The following PDE4B variants were observed in gnomAD, a reference collection of about 807,000 sequenced individuals.
PDE4B encodes phosphodiesterase 4B.
In PDE4B, 20 loss-of-function variants were observed where a neutral mutation model predicts 82.2. The observed-to-expected ratio is 0.24, with a 90% CI of 0.17 to 0.35. PDE4B has a LOEUF of 0.35. PDE4B is among the 10% of genes least tolerant of loss of function. The probability of loss-of-function intolerance (pLI) is 1.00; values close to 1 mark genes in which losing one functional copy is unlikely to be tolerated. For missense variants in PDE4B, 655 were observed against 907.2 expected, an observed-to-expected ratio of 0.72 and a Z score of 3.57; for synonymous variants, 320 against 318.9, an observed-to-expected ratio of 1.00 and a Z score of -0.04.
At chr1:65,878,212 A>AT (rs1171729881) in intron 1 of PDE4B, among the ~76,000 whole-genome samples, 2 of 152,236 alleles carry the variant, frequency 1.3e-5, no homozygotes, top group Non-Finnish European at 2.9e-5. Context: ...AATGGTGACC[A>AT]TTAAAAAGTC....
At chr1:65,987,312 A>G (rs755311192) in intron 3 of PDE4B, among the ~76,000 whole-genome samples, 5 of 152,212 alleles carry the variant, frequency 3.3e-5, no homozygotes, top group Non-Finnish European at 7.3e-5. Context: ...CCTAAAGATG[A>G]GTAATTAAAT....
intron 3 of PDE4B, among the ~76,000 whole-genome samples, chr1:66,181,441 C>A (rs768518767): frequency 7.2e-5 from 11 of 152,112 alleles, no homozygotes; most frequent in Admixed American, 2.6e-4. Context: ...ATTTCTGGAA[C>A]CTTTTTATTA....
At chr1:66,324,777 A>G (rs911665450) in intron 7 of PDE4B, among the ~76,000 whole-genome samples, 12 of 152,318 alleles carry the variant, frequency 7.9e-5, no homozygotes, top group Admixed American at 6.5e-4. Flanking sequence ...TAGGGCTTGC[A>G]AACTTTGGTC....
chr1:65,833,752 T>C (rs1424568030), intron 1 of PDE4B, among the ~76,000 whole-genome samples: 1 of 152,234 alleles, frequency 6.6e-6, no homozygotes, highest in Non-Finnish European at 1.5e-5. Context: ...TCTATCTGTC[T>C]AGCTAGCAGT....
chr1:66,360,360 C>G (rs963591897), intron 9 of PDE4B: 5 of 152,218 alleles, frequency 3.3e-5, no homozygotes, highest in African/African-American at 7.2e-5. Context: ...TTGCTTTGCT[C>G]TGATGAAGTG....
intron 3 of PDE4B, among the ~76,000 whole-genome samples, chr1:66,159,674 CCTCAAATCCTCGCA>C (rs1314669039): frequency 6.6e-6 from 1 of 152,120 alleles, no homozygotes; most frequent in Non-Finnish European, 1.5e-5. Context: ...TTGCCTGGTG[CCTCAAATCCTCGCA>C]TACTGGGGTA....
intron 3 of PDE4B, among the ~76,000 whole-genome samples, chr1:66,099,121 C>T (rs1213176309): frequency 2.6e-5 from 4 of 152,118 alleles, no homozygotes; most frequent in Non-Finnish European, 5.9e-5. Flanking sequence ...CCTATCAACT[C>T]ATCACCTAGG....
chr1:66,326,560 G>A (rs1246486073), intron 7 of PDE4B, among the ~76,000 whole-genome samples: 1 of 152,072 alleles, frequency 6.6e-6, no homozygotes, highest in African/African-American at 2.4e-5. Flanking sequence ...TGTGGCAATT[G>A]GTCCAATTGT....
chr1:66,082,560 A>G (rs1656795334), intron 3 of PDE4B, among the ~76,000 whole-genome samples: 2 of 151,796 alleles, frequency 1.3e-5, no homozygotes, highest in East Asian at 1.9e-4. Flanking sequence ...AATTGGCTCA[A>G]TGTGTTGTGC....
chr1:66,105,501 A>C (rs1395315086), intron 3 of PDE4B, among the ~76,000 whole-genome samples: 4 of 152,084 alleles, frequency 2.6e-5, no homozygotes, highest in African/African-American at 9.7e-5. Context: ...CTTGATGGGG[A>C]TGGCATTGAA....
chr1:66,067,330 C>G (rs1201897405), intron 3 of PDE4B, among the ~76,000 whole-genome samples: 2 of 152,104 alleles, frequency 1.3e-5, no homozygotes, highest in Non-Finnish European at 2.9e-5. Flanking sequence ...TCCTATTTCT[C>G]CACATCCTCT....
intron 7 of PDE4B, among the ~76,000 whole-genome samples, chr1:66,331,273 T>C (rs773326710): frequency 1.1e-4 from 17 of 152,376 alleles, no homozygotes; most frequent in Admixed American, 2.6e-4. Flanking sequence ...TACATTTTAT[T>C]AGTGCCTATT....
chr1:65,927,976 C>G (rs1453401963), intron 3 of PDE4B, among the ~76,000 whole-genome samples: 1 of 152,128 alleles, frequency 6.6e-6, no homozygotes, highest in Non-Finnish European at 1.5e-5. Context: ...TCCATAAGCC[C>G]CTGCTTTAAC....
chr1:65,856,517 A>G (rs1646394705), intron 1 of PDE4B, among the ~76,000 whole-genome samples: 1 of 152,126 alleles, frequency 6.6e-6, no homozygotes, highest in East Asian at 1.9e-4. Context: ...GAACTCATTC[A>G]TTGTATGACT....
At chr1:66,115,805 G>C (rs772316764) in intron 3 of PDE4B, among the ~76,000 whole-genome samples, 1 of 152,170 alleles carries the variant, frequency 6.6e-6, no homozygotes, top group Non-Finnish European at 1.5e-5. Context: ...TGATGATAAT[G>C]CTCTTTTGTT....
At chr1:66,242,817 T>G (rs1001468616) in intron 3 of PDE4B, among the ~76,000 whole-genome samples, 1 of 152,246 alleles carries the variant, frequency 6.6e-6, no homozygotes, top group African/African-American at 2.4e-5. Context: ...CCCCACCTGC[T>G]GGGCTTGGAG....
intron 3 of PDE4B, among the ~76,000 whole-genome samples, chr1:66,093,590 G>C (rs1645064083): frequency 6.6e-6 from 1 of 152,004 alleles, no homozygotes; most frequent in Non-Finnish European, 1.5e-5. Flanking sequence ...GAGAGAGGAA[G>C]ATATTTATCC....
chr1:66,010,199 G>A lies in PDE4B; in HGVS notation c.281+91364G>A, dbSNP rs142847010. On this transcript the variant is annotated intron_variant, in intron 3 of 16. Coordinates refer to ENST00000341517, the MANE Select transcript of PDE4B (RefSeq NM_002600.4). ...AAGCACTGAGGCCCCATGTTGAATG[G>A]GAGAGGGAAATGTGAACAGATAATT... Among the ~76,000 whole-genome samples the A allele has an allele frequency of 1.1e-4, 16 of 151,832 alleles. No individual in the cohort carries two copies. The East Asian group carries it at 2.3e-3, about 22-fold the overall frequency.
intron 3 of PDE4B, among the ~76,000 whole-genome samples, chr1:65,988,721 A>G (rs983921857): frequency 3.3e-5 from 5 of 152,096 alleles, no homozygotes; most frequent in African/African-American, 9.7e-5. Flanking sequence ...TGTATTTACA[A>G]TAAGTGGGAA....
Sources: allele counts gnomAD v4.1 joint callset (sites outside exome capture counted in the v4.1 genomes callset), GRCh38; gene constraint gnomAD v4.1.1; transcripts MANE v1.5; gene names NCBI Gene and HGNC (gene_info 2026-07-23, HGNC 2026-07-21).